The following FAM114A1 variants were observed in gnomAD, a reference collection of about 807,000 sequenced individuals.
FAM114A1 encodes the protein protein NOXP20.
Under a neutral mutation model 64.3 loss-of-function variants are expected in FAM114A1, and 62 were observed. The ratio of observed to expected loss-of-function variants is 0.96; its 90% CI spans 0.79 to 1.19. FAM114A1 has a LOEUF of 1.19. FAM114A1 is among the 50% of genes most tolerant of loss of function. The pLI, the probability that FAM114A1 is intolerant of heterozygous loss-of-function variation, is 0.00. For synonymous variants in FAM114A1, 254 were observed against 251.1 expected (o/e 1.01, Z -0.11); for missense variants, 645 against 676.3 (o/e 0.95, Z 0.51).
At chr4:38,914,241 C>A (rs1718827032) in intron 7 of FAM114A1, among the ~76,000 whole-genome samples, 1 of 151,708 alleles carries the variant, frequency 6.6e-6, no homozygotes, top group Non-Finnish European at 1.5e-5. Context: ...ATAAAACTCG[C>A]TCATTATAGA....
intron 4 of FAM114A1, among the ~76,000 whole-genome samples, chr4:38,894,134 G>T (rs892091209): frequency 2.2e-5 from 3 of 136,276 alleles, no homozygotes; most frequent in Non-Finnish European, 3.0e-5. Context: ...CTGCACTCCA[G>T]CCTGGGCAAT....
At chr4:38,886,700 G>C (rs1715845407) in intron 3 of FAM114A1, among the ~76,000 whole-genome samples, 1 of 151,578 alleles carries the variant, frequency 6.6e-6, no homozygotes, top group Admixed American at 6.6e-5. Flanking sequence ...GGCCGAGGCG[G>C]GCAGATCACC....
chr4:38,891,530 G>A (rs550107322), intron 3 of FAM114A1, among the ~76,000 whole-genome samples: 37 of 152,302 alleles, frequency 2.4e-4, no homozygotes, highest in African/African-American at 8.2e-4. Context: ...CAAGCCTTCA[G>A]AAGCCAACAT....
At chr4:38,910,706 C>T (rs1354500061) in intron 7 of FAM114A1, among the ~76,000 whole-genome samples, 1 of 152,118 alleles carries the variant, frequency 6.6e-6, no homozygotes, top group African/African-American at 2.4e-5. Context: ...ATTGGCCATG[C>T]AGGAACCTGA....
intron 2 of FAM114A1, among the ~76,000 whole-genome samples, chr4:38,873,924 G>A (rs907945285): frequency 6.6e-6 from 1 of 152,152 alleles, no homozygotes; most frequent in African/African-American, 2.4e-5. Flanking sequence ...TGAGGTGAAG[G>A]ATGGGAAGTA....
At chr4:38,888,536 G>A (rs573220961) in intron 3 of FAM114A1, among the ~76,000 whole-genome samples, 2 of 152,202 alleles carry the variant, frequency 1.3e-5, no homozygotes, top group South Asian at 4.1e-4. Context: ...AAAGAAAAAA[G>A]AACTGTGAAC....
At chr4:38,912,582 T>G (rs1034561963) in intron 7 of FAM114A1, among the ~76,000 whole-genome samples, 1 of 151,742 alleles carries the variant, frequency 6.6e-6, no homozygotes, top group South Asian at 2.1e-4. Context: ...CAGGGTTTCA[T>G]CATATTGGCC....
intron 8 of FAM114A1, among the ~76,000 whole-genome samples, chr4:38,917,655 T>C (rs1175755892): frequency 1.3e-5 from 2 of 152,102 alleles, no homozygotes; most frequent in Admixed American, 1.3e-4. Flanking sequence ...AAAAAAACAT[T>C]ACAAGATATC....
At position 38,919,684 on chromosome 4, in the gene FAM114A1, GGAGA is replaced by G. The variant is rs1203329562; in HGVS notation, c.946-3080_946-3077del. Among the ~76,000 whole-genome samples, 3 of 152,166 alleles carry G rather than the reference GGAGA, an allele frequency of 2.0e-5. No homozygotes were observed. In the South Asian group the frequency reaches 6.2e-4, roughly 31 times the overall value. On this transcript the variant is annotated intron_variant, in intron 8 of 14. Coordinates refer to ENST00000358869, the MANE Select transcript of FAM114A1 (RefSeq NM_138389.4). ...TGTCTTCTGAGTCACATCAGCATAA[GGAGA>G]GAGAGTGTAGAGAGGACACTCCCAT...
intron 4 of FAM114A1, among the ~76,000 whole-genome samples, chr4:38,897,013 A>G (rs1717004025): frequency 6.6e-6 from 1 of 152,230 alleles, no homozygotes; most frequent in Admixed American, 6.5e-5. Flanking sequence ...TACCTCTAAC[A>G]GTTGTTGAAA....
At chr4:38,936,974 G>A (rs1721165914) in intron 13 of FAM114A1, among the ~76,000 whole-genome samples, 1 of 152,202 alleles carries the variant, frequency 6.6e-6, no homozygotes, top group Non-Finnish European at 1.5e-5. Flanking sequence ...CATTTACTTG[G>A]AGGTATGGCC....
At chr4:38,906,603 C>T (rs975349001) in intron 6 of FAM114A1, among the ~76,000 whole-genome samples, 7 of 152,110 alleles carry the variant, frequency 4.6e-5, no homozygotes, top group South Asian at 2.1e-4. Flanking sequence ...GGTGCAATCT[C>T]GGCTCACTGC....
chr4:38,900,335 A>G (rs904776441), intron 4 of FAM114A1, among the ~76,000 whole-genome samples: 1 of 152,204 alleles, frequency 6.6e-6, no homozygotes, highest in African/African-American at 2.4e-5. Flanking sequence ...AGACAGTACA[A>G]CAGTTCCTCA....
intron 3 of FAM114A1, among the ~76,000 whole-genome samples, chr4:38,882,168 C>T (rs56320435): frequency 0.22 from 31,625 of 142,780 alleles, 3,896 homozygotes; most frequent in Non-Finnish European, 0.27. Flanking sequence ...AAAAATTAGC[C>T]GGGCGCGGTG....
rs1394281739 is a variant in FAM114A1 at position 38,888,266 on chromosome 4, C to A, written c.349-3477C>A. 2.0e-5 allele frequency among the ~76,000 whole-genome samples: 3 copies of A among 151,638 alleles called. No individual in the cohort carries two copies. The East Asian group carries it at 5.8e-4, about 29-fold the overall frequency. On this transcript the variant is annotated intron_variant, in intron 3 of 14. Transcript: ENST00000358869. ...GGGCCAGGTGCAGTCACCCGTAATC[C>A]TAGCACTTCGAGAGACCAAGATAGA...
At chr4:38,912,780 C>T (rs1017613287) in intron 7 of FAM114A1, among the ~76,000 whole-genome samples, 7 of 152,160 alleles carry the variant, frequency 4.6e-5, no homozygotes, top group Non-Finnish European at 8.8e-5. Context: ...AGCCCACATT[C>T]GGAGGTGGAA....
In FAM114A1 at chr4:38,932,394, A is replaced by T; in HGVS notation, c.1463+20A>T. 1 of 1,580,888 alleles carries T rather than the reference A, an allele frequency of 6.3e-7. No homozygotes were observed. Among genetic ancestry groups the T allele is most frequent in the Non-Finnish European group, 8.6e-7 (1 of 1,168,066 alleles). ...AATAAAGTAAGTAAATGTTACTTTAAATTCTTATTTTCCCAGTTTTATATA... is the reference window on the plus strand; with the variant it reads ...AATAAAGTAAGTAAATGTTACTTTATATTCTTATTTTCCCAGTTTTATATA... On this transcript the variant is annotated intron_variant, in intron 12 of 14. Transcript: ENST00000358869.
chr4:38,896,138 G>C (rs1716917090), intron 4 of FAM114A1, among the ~76,000 whole-genome samples: 1 of 152,108 alleles, frequency 6.6e-6, no homozygotes, highest in African/African-American at 2.4e-5. Flanking sequence ...GGTACATGAG[G>C]AAAGTCATTA....
chr4:38,923,223 AC>A (rs965372075), intron 9 of FAM114A1, among the ~76,000 whole-genome samples: 19 of 115,220 alleles, frequency 1.6e-4, no homozygotes, highest in African/African-American at 5.7e-4. Flanking sequence ...TTATGCTGCC[AC>A]TTTTTTTTTT....
Sources: gnomAD v4.1 joint callset for allele counts (sites outside exome capture counted in the v4.1 genomes callset) on GRCh38, gnomAD v4.1.1 for gene constraint, MANE v1.5 for transcripts, NCBI Gene and HGNC (gene_info 2026-07-23, HGNC 2026-07-21) for gene names.